The following EYS variants were observed in gnomAD, a reference collection of about 807,000 sequenced individuals.
The protein encoded by EYS is protein eyes shut homolog.
EYS carries 250 observed loss-of-function variants against 282.1 expected under a neutral mutation model. The observed-to-expected ratio is 0.89, with a 90% CI of 0.80 to 0.98. The LOEUF (loss-of-function observed/expected upper bound fraction) is 0.98, where lower values mean the gene tolerates loss of function less well. Ranked by LOEUF, EYS falls within the 50% of genes least tolerant of loss-of-function variation. EYS has a pLI of 0.00. For missense variants in EYS, 4,016 were observed against 3,709.0 expected (o/e 1.08, Z -2.15); for synonymous variants, 1,355 against 1,282.9 (o/e 1.06, Z -1.20).
chr6:64,119,101 G>A (rs982685817), intron 31 of EYS, among the ~76,000 whole-genome samples: 8 of 151,976 alleles, frequency 5.3e-5, no homozygotes, highest in African/African-American at 1.2e-4. Context: ...TTTAATTTGA[G>A]TGATAGAGTT....
intron 18 of EYS, among the ~76,000 whole-genome samples, chr6:64,892,996 C>T (rs535719598): frequency 1.4e-4 from 21 of 152,152 alleles, no homozygotes; most frequent in African/African-American, 4.6e-4. Flanking sequence ...CAGCCAGGCA[C>T]TTGGAACATT....
chr6:64,948,821 C>T (rs1769386778), intron 14 of EYS, among the ~76,000 whole-genome samples: 1 of 151,546 alleles, frequency 6.6e-6, no homozygotes, highest in African/African-American at 2.4e-5. Flanking sequence ...ACTCTTCCTA[C>T]TAAACTTGGA....
intron 18 of EYS, among the ~76,000 whole-genome samples, chr6:64,901,837 A>G (rs893203945): frequency 2.6e-5 from 4 of 152,198 alleles, no homozygotes; most frequent in Non-Finnish European, 4.4e-5. Flanking sequence ...GAGACTCTAC[A>G]CAATATTGTT....
Position 64,136,784 on chromosome 6 carries a change from AT to A in EYS, c.6425-54783del, listed in dbSNP as rs374668835. Among the ~76,000 whole-genome samples, 78 of 152,144 alleles carry A rather than the reference AT, an allele frequency of 5.1e-4. No individual in the cohort carries two copies. The South Asian group carries it at 0.015, about 30-fold the overall frequency. The stretch of plus-strand genomic sequence containing the variant: ...GCCATAATCTAGGCTTTGTTCTTCC[AT>A]TTCTAGAGAACAGACAGAGTAGATT... On this transcript the variant is annotated intron_variant, in intron 31 of 42. Transcript: ENST00000503581.
chr6:64,757,300 A>G (rs1035823093), intron 22 of EYS, among the ~76,000 whole-genome samples: 11 of 152,152 alleles, frequency 7.2e-5, no homozygotes, highest in Admixed American at 5.2e-4. Context: ...AAAATTGACT[A>G]ATTTTCTTCA....
chr6:63,753,260 G>A (rs1288199332), intron 41 of EYS, among the ~76,000 whole-genome samples: 1 of 150,796 alleles, frequency 6.6e-6, no homozygotes, highest in African/African-American at 2.4e-5. Flanking sequence ...AATTGTATAG[G>A]AAGATTTATG....
At chr6:63,840,616 C>T (rs1246568661) in intron 36 of EYS, among the ~76,000 whole-genome samples, 1 of 152,088 alleles carries the variant, frequency 6.6e-6, no homozygotes, top group Non-Finnish European at 1.5e-5. Flanking sequence ...TTTGCCTAGA[C>T]TAATGTCTTC....
At chr6:64,470,807 A>C (rs1294745324) in intron 26 of EYS, among the ~76,000 whole-genome samples, 1 of 152,190 alleles carries the variant, frequency 6.6e-6, no homozygotes, top group Admixed American at 6.5e-5. Flanking sequence ...AATACATAAG[A>C]ATAAAAAAAG....
intron 26 of EYS, among the ~76,000 whole-genome samples, chr6:64,470,997 G>C (rs2150492239): frequency 6.6e-6 from 1 of 152,200 alleles, no homozygotes; most frequent in African/African-American, 2.4e-5. Context: ...TCCCCAAATA[G>C]ACTCAACCCA....
At chr6:64,685,638 CT>C (rs1252073195) in intron 22 of EYS, among the ~76,000 whole-genome samples, 4 of 152,140 alleles carry the variant, frequency 2.6e-5, no homozygotes, top group African/African-American at 9.7e-5. Flanking sequence ...CAGCCTGAGG[CT>C]TTTGCTAGAA....
chr6:64,314,288 G>C (rs1441670365), intron 29 of EYS, among the ~76,000 whole-genome samples: 1 of 146,584 alleles, frequency 6.8e-6, no homozygotes, highest in Non-Finnish European at 1.5e-5. Flanking sequence ...AGACAAAGAA[G>C]GGCATTACAT....
chr6:65,367,300 T>C (rs552915039), intron 8 of EYS, among the ~76,000 whole-genome samples: 12 of 151,792 alleles, frequency 7.9e-5, no homozygotes, highest in African/African-American at 2.2e-4. Context: ...ATCTTGAGGA[T>C]CCAAAACATA....
intron 2 of EYS, among the ~76,000 whole-genome samples, chr6:65,627,256 A>C (rs1766736620): frequency 6.7e-6 from 1 of 150,218 alleles, no homozygotes; most frequent in Non-Finnish European, 1.5e-5. Flanking sequence ...CATGAAAGAG[A>C]GAAAATATCC....
chr6:63,881,209 T>C (rs930908063), intron 35 of EYS, among the ~76,000 whole-genome samples: 1 of 152,184 alleles, frequency 6.6e-6, no homozygotes, highest in Admixed American at 6.5e-5. Flanking sequence ...AGCAGTTTGT[T>C]ATTTTTAAAG....
intron 22 of EYS, among the ~76,000 whole-genome samples, chr6:64,659,377 A>C (rs570726310): frequency 6.6e-6 from 1 of 152,154 alleles, no homozygotes; most frequent in Non-Finnish European, 1.5e-5. Flanking sequence ...GCAAGAAATA[A>C]CTAAGATCAG....
chr6:65,545,518 A>G (rs1768351852), intron 2 of EYS, among the ~76,000 whole-genome samples: 1 of 152,120 alleles, frequency 6.6e-6, no homozygotes, highest in South Asian at 2.1e-4. Flanking sequence ...CATAAATGTC[A>G]ATGAAGAAAG....
intron 31 of EYS, among the ~76,000 whole-genome samples, chr6:64,099,288 T>G (rs1374564279): frequency 6.6e-6 from 1 of 152,206 alleles, no homozygotes; most frequent in Non-Finnish European, 1.5e-5. Flanking sequence ...TAAGCCTAAT[T>G]AAGCATGGTT....
intron 22 of EYS, among the ~76,000 whole-genome samples, chr6:64,736,479 C>T (rs1174082294): frequency 6.6e-6 from 1 of 152,122 alleles, no homozygotes; most frequent in Non-Finnish European, 1.5e-5. Flanking sequence ...TGCACTAACT[C>T]TATGACTCAG....
chr6:65,655,649 GTTTT>G, intron 1 of EYS, among the ~76,000 whole-genome samples: 1 of 151,570 alleles, frequency 6.6e-6, no homozygotes, highest in Non-Finnish European at 1.5e-5. Flanking sequence ...GATGCTGTGT[GTTTT>G]TTTATTTGTT....
Sources: gnomAD v4.1 joint callset for allele counts (sites outside exome capture counted in the v4.1 genomes callset) on GRCh38, gnomAD v4.1.1 for gene constraint, MANE v1.5 for transcripts, NCBI Gene and HGNC (gene_info 2026-07-23, HGNC 2026-07-21) for gene names.